Variants in ROR1 observed in about 807,000 individuals in gnomAD.
ROR1 encodes the protein ROR family WNT receptor 1, also known as inactive tyrosine-protein kinase transmembrane receptor ROR1.
A neutral mutation model predicts 78.8 loss-of-function variants in ROR1; 19 were observed. The ratio of observed to expected loss-of-function variants is 0.24; its 90% confidence interval spans 0.17 to 0.35. ROR1 has a LOEUF of 0.35. Ranked by LOEUF, ROR1 falls within the 10% of genes least tolerant of loss-of-function variation. The probability of loss-of-function intolerance (pLI) is 1.00; values close to 1 mark genes in which losing one functional copy is unlikely to be tolerated. For synonymous variants in ROR1, 386 were observed against 433.6 expected, an observed-to-expected ratio of 0.89 and a Z score of 1.36; for missense variants, 917 against 1,177.8, an observed-to-expected ratio of 0.78 and a Z score of 3.24.
chr1:63,875,316 G>T (rs978381198), intron 1 of ROR1, among the ~76,000 whole-genome samples: 2 of 152,142 alleles, frequency 1.3e-5, no homozygotes, highest in African/African-American at 4.8e-5. Flanking sequence ...AAACGTCCAG[G>T]TCTTACTATC....
chr1:64,179,041 A>AC lies in ROR1; in HGVS notation c.*186_*187insC. 1 of 551,550 alleles carries AC rather than the reference A, an allele frequency of 1.8e-6. No homozygotes were observed. The highest frequency in any genetic ancestry group is 1.9e-5 in the African/African-American group (1 of 52,222). The allele number at this position is 551,550 out of a possible 1,614,324, so 34.2% of individuals were successfully genotyped here. Reference sequence around the variant, plus strand: ...CTCGGCCAGAAAAAAAAAAAAAAAAAAAAAACAAGCAAACAAAAACATTGT... The same window carrying AC: ...CTCGGCCAGAAAAAAAAAAAAAAAAACAAAAACAAGCAAACAAAAACATTGT... On this transcript the variant is annotated 3_prime_UTR_variant, in exon 9 of 9. Coordinates refer to ENST00000371079, the MANE Select transcript of ROR1 (RefSeq NM_005012.4).
chr1:63,848,035 C>G (rs1645092410), intron 1 of ROR1, among the ~76,000 whole-genome samples: 2 of 152,138 alleles, frequency 1.3e-5, no homozygotes, highest in African/African-American at 4.8e-5. Flanking sequence ...CAATAAAGGC[C>G]AAATCGAAGA....
intron 4 of ROR1, among the ~76,000 whole-genome samples, chr1:64,060,004 T>C (rs1241814577): frequency 6.6e-6 from 1 of 152,166 alleles, no homozygotes; most frequent in Non-Finnish European, 1.5e-5. Flanking sequence ...CGTTAGTTTT[T>C]TTTTTCCTAT....
chr1:63,919,953 AAATG>A (rs1645641054), intron 1 of ROR1, among the ~76,000 whole-genome samples: 1 of 152,222 alleles, frequency 6.6e-6, no homozygotes, highest in Non-Finnish European at 1.5e-5. Context: ...GAGGCAAAAT[AAATG>A]TAGCTTAAAT....
chr1:63,982,905 G>T (rs988007731), intron 1 of ROR1, among the ~76,000 whole-genome samples: 1 of 152,086 alleles, frequency 6.6e-6, no homozygotes, highest in Non-Finnish European at 1.5e-5. Flanking sequence ...TAGTTTTCTT[G>T]TTGGTAAAAT....
At position 63,835,764 on chromosome 1, in the gene ROR1, A is replaced by T. The variant is rs1645015734; in HGVS notation, c.91+61256A>T. Among the ~76,000 whole-genome samples the T allele has an allele frequency of 5.9e-5, 9 of 152,324 alleles. 1 individual carries two copies. The South Asian group carries it at 1.9e-3, about 32-fold the overall frequency. ...GAATATGATCTCATTGTTAAAAGGC[A>T]CTTGTGTTGTTGGACAATATAGGGT... On this transcript the variant is annotated intron_variant, in intron 1 of 8. Transcript: ENST00000371079.
At chr1:64,166,685 G>A (rs1650097305) in intron 8 of ROR1, among the ~76,000 whole-genome samples, 1 of 152,172 alleles carries the variant, frequency 6.6e-6, no homozygotes. Flanking sequence ...TGAGGACACA[G>A]GCAAGAGAAT....
intron 2 of ROR1, among the ~76,000 whole-genome samples, chr1:64,010,783 A>C (rs1646469125): frequency 6.6e-6 from 1 of 152,108 alleles, no homozygotes; most frequent in African/African-American, 2.4e-5. Context: ...GTTAGTTCTC[A>C]TGAGATCTGA....
chr1:63,842,990 C>G (rs1210592795), intron 1 of ROR1, among the ~76,000 whole-genome samples: 2 of 152,044 alleles, frequency 1.3e-5, no homozygotes, highest in African/African-American at 4.8e-5. Context: ...AGCAGTTTGG[C>G]AAGACCAGAA....
chr1:64,049,803 C>A lies in ROR1; in HGVS notation c.276C>A (p.Phe92Leu), dbSNP rs1456476828. 6.2e-7 allele frequency: 1 copy of A among 1,614,212 alleles called. No homozygotes were observed. The highest frequency in any genetic ancestry group is 1.7e-5 in the Admixed American group (1 of 60,028). Reference protein sequence around the residue: ...SGNPPPTIRWFKNDAPVVQEP... With the variant: ...SGNPPPTIRWLKNDAPVVQEP... ...ATCCACCTCCCACCATCCGCTGGTT[C>A]AAAAATGATGCTCCTGTGGTCCAGG... The change falls in exon 3 of 9, where the codon TTC (phenylalanine) becomes TTA (leucine). Residue 92 changes from phenylalanine to leucine, a missense_variant. By Grantham distance (22) the Phe-to-Leu change is conservative. Coordinates refer to ENST00000371079, the MANE Select transcript of ROR1 (RefSeq NM_005012.4).
chr1:63,841,389 G>T lies in ROR1; in HGVS notation c.91+66881G>T, dbSNP rs559336243. On this transcript the variant is annotated intron_variant, in intron 1 of 8. Transcript: ENST00000371079. Reference sequence around the variant, plus strand: ...GTTCCTTAAACATAGTAGGTCCTCAGTAAGTTTTTTGTTATGTTGAATGAA... The same window carrying T: ...GTTCCTTAAACATAGTAGGTCCTCATTAAGTTTTTTGTTATGTTGAATGAA... 3.3e-5 allele frequency among the ~76,000 whole-genome samples: 5 copies of T among 152,316 alleles called. No homozygotes were observed. The East Asian group carries it at 9.6e-4, about 29-fold the overall frequency.
At position 64,180,849 on chromosome 1, in the gene ROR1, T is replaced by C. The variant is rs1263333807; in HGVS notation, c.*1994T>C. 3 of 152,156 alleles carry C rather than the reference T, an allele frequency of 2.0e-5. No individual in the cohort carries two copies. The highest frequency in any genetic ancestry group is 6.5e-5 in the Admixed American group (1 of 15,278). 9.4% of individuals were successfully genotyped at this position (152,156 alleles called of 1,614,324 possible). A position where few individuals can be genotyped will look rare whatever the true frequency, so the allele number is the denominator to read the frequency against. On this transcript the variant is annotated 3_prime_UTR_variant, in exon 9 of 9. Transcript: ENST00000371079. ...CCATGAGCCAGTAAAATACCTACTC[T>C]GGTAAAACATTATTATGGTTAAAAA...
At chr1:63,924,997 C>A (rs1030653842) in intron 1 of ROR1, among the ~76,000 whole-genome samples, 10 of 83,304 alleles carry the variant, frequency 1.2e-4, no homozygotes, top group Non-Finnish European at 2.3e-4. Flanking sequence ...CTTTTTCTTT[C>A]TTTATTTTTT....
At chr1:64,039,744 C>G (rs1051942417) in intron 2 of ROR1, among the ~76,000 whole-genome samples, 3 of 152,164 alleles carry the variant, frequency 2.0e-5, no homozygotes, top group Non-Finnish European at 4.4e-5. Context: ...TGTGTTGGCC[C>G]AAAGCCCAAA....
intron 1 of ROR1, among the ~76,000 whole-genome samples, chr1:63,839,207 C>T (rs1326610442): frequency 2.6e-5 from 4 of 152,172 alleles, no homozygotes; most frequent in African/African-American, 7.2e-5. Context: ...TTTTAAGTAA[C>T]ATTTACCTTA....
At chr1:64,062,486 T>C (rs1017872896) in intron 4 of ROR1, among the ~76,000 whole-genome samples, 2 of 151,940 alleles carry the variant, frequency 1.3e-5, no homozygotes, top group African/African-American at 2.4e-5. Flanking sequence ...TAATTTTTTG[T>C]ATTTTTAGTA....
At position 64,177,871 on chromosome 1, in the gene ROR1, C is replaced by T. The variant is rs772510314; in HGVS notation, c.1830C>T (p.Phe610=). ...AAGMEYLSSH[F]FVHKDLAARN... is the part of the protein sequence containing the mutation. The stretch of plus-strand genomic sequence containing the variant: ...GCATGGAATACCTGTCTAGTCACTT[C>T]TTTGTCCACAAGGACCTTGCAGCTC... The change falls in exon 9 of 9, where the codon TTC becomes TTT. Residue 610 remains phenylalanine (F), a synonymous_variant. Coordinates refer to ENST00000371079, the MANE Select transcript of ROR1 (RefSeq NM_005012.4). The T allele has an allele frequency of 6.2e-7, 1 of 1,614,174 alleles. No individual in the cohort carries two copies. Among genetic ancestry groups the T allele is most frequent in the East Asian group, 2.2e-5 (1 of 44,888 alleles).
intron 1 of ROR1, among the ~76,000 whole-genome samples, chr1:63,936,276 T>TAGA (rs915468371): frequency 2.8e-4 from 42 of 152,042 alleles, no homozygotes; most frequent in African/African-American, 9.9e-4. Flanking sequence ...AATCTATTCG[T>TAGA]TTTCTGCCTT....
intron 6 of ROR1, among the ~76,000 whole-genome samples, chr1:64,141,773 G>A (rs907195745): frequency 6.6e-6 from 1 of 152,150 alleles, no homozygotes; most frequent in African/African-American, 2.4e-5. Flanking sequence ...TAAGGGCTCA[G>A]TAGCAACATT....
Sources: allele counts gnomAD v4.1 joint callset (sites outside exome capture counted in the v4.1 genomes callset), GRCh38; gene constraint gnomAD v4.1.1; transcripts MANE v1.5; gene names NCBI Gene and HGNC (gene_info 2026-07-23, HGNC 2026-07-21).